Variants in CSMD1 observed in about 807,000 individuals in gnomAD.
CSMD1 encodes CUB and Sushi multiple domains 1, also known as CUB and sushi domain-containing protein 1.
A neutral mutation model predicts 417.5 loss-of-function variants in CSMD1; 213 were observed. The ratio of observed to expected loss-of-function variants is 0.51; its 90% CI spans 0.46 to 0.57. The LOEUF is 0.57. Ranked by LOEUF, CSMD1 falls within the 20% of genes least tolerant of loss-of-function variation. CSMD1 has a pLI of 0.00. For missense variants in CSMD1, 6,923 were observed against 4,529.7 expected, an observed-to-expected ratio of 1.53 and a Z score of -15.17; for synonymous variants, 2,862 against 1,736.8, an observed-to-expected ratio of 1.65 and a Z score of -16.11.
At chr8:4,768,562 G>A (rs1796438313) in intron 1 of CSMD1, among the ~76,000 whole-genome samples, 1 of 152,174 alleles carries the variant, frequency 6.6e-6, no homozygotes, top group African/African-American at 2.4e-5. Context: ...TGTAGAAAAT[G>A]CTTTGGATTG....
intron 6 of CSMD1, among the ~76,000 whole-genome samples, chr8:3,738,298 T>A (rs936002161): frequency 6.6e-6 from 1 of 152,234 alleles, no homozygotes; most frequent in Admixed American, 6.5e-5. Flanking sequence ...AAGTCTTAGA[T>A]ATTTGTATGT....
chr8:3,707,868 C>T (rs1180958000), intron 7 of CSMD1, among the ~76,000 whole-genome samples: 2 of 152,280 alleles, frequency 1.3e-5, no homozygotes. Context: ...GAGACACCTT[C>T]ATTCCTCCCA....
intron 1 of CSMD1, among the ~76,000 whole-genome samples, chr8:4,656,591 A>G (rs1051098772): frequency 6.6e-6 from 1 of 152,134 alleles, no homozygotes; most frequent in Non-Finnish European, 1.5e-5. Context: ...ATAGAAAATT[A>G]GTTGAATTTA....
intron 3 of CSMD1, among the ~76,000 whole-genome samples, chr8:4,241,945 G>C (rs999617760): frequency 2.0e-5 from 3 of 152,152 alleles, no homozygotes; most frequent in East Asian, 1.9e-4. Context: ...CAATTGACCA[G>C]ATTCAGTATA....
At chr8:4,272,338 G>A (rs574134624) in intron 3 of CSMD1, among the ~76,000 whole-genome samples, 12 of 152,174 alleles carry the variant, frequency 7.9e-5, no homozygotes, top group East Asian at 1.9e-4. Flanking sequence ...TTGAACAAAA[G>A]CATGTTATTC....
At chr8:4,852,985 A>T (rs1348490427) in intron 1 of CSMD1, among the ~76,000 whole-genome samples, 5 of 152,186 alleles carry the variant, frequency 3.3e-5, no homozygotes, top group Admixed American at 3.3e-4. Flanking sequence ...GGCTGCTTAT[A>T]ACAGTCTACA....
intron 27 of CSMD1, among the ~76,000 whole-genome samples, chr8:3,226,263 A>G (rs1025335240): frequency 6.6e-6 from 1 of 152,078 alleles, no homozygotes; most frequent in Non-Finnish European, 1.5e-5. Flanking sequence ...GATAATGAAG[A>G]CTTTTTAGGG....
At chr8:3,640,489 C>G (rs115777739) in intron 7 of CSMD1, among the ~76,000 whole-genome samples, 1 of 152,136 alleles carries the variant, frequency 6.6e-6, no homozygotes, top group African/African-American at 2.4e-5. Context: ...TTTGTCTAAT[C>G]AGTTAATGGA....
At chr8:2,972,010 C>G (rs1194386557) in intron 57 of CSMD1, among the ~76,000 whole-genome samples, 1 of 151,754 alleles carries the variant, frequency 6.6e-6, no homozygotes, top group Non-Finnish European at 1.5e-5. Flanking sequence ...CAAAAATAGT[C>G]TTTGAGAAAA....
chr8:3,279,064 C>G (rs1264877178), intron 26 of CSMD1: 1 of 152,232 alleles, frequency 6.6e-6, no homozygotes, highest in Admixed American at 6.5e-5. Context: ...GCCCGATTCT[C>G]ACTGGTTCCC....
intron 1 of CSMD1, among the ~76,000 whole-genome samples, chr8:4,695,169 A>T (rs1807033765): frequency 6.6e-6 from 1 of 151,832 alleles, no homozygotes. Context: ...GAATACACAT[A>T]CTCTTTATTT....
At chr8:4,331,138 C>T (rs547373698) in intron 3 of CSMD1, among the ~76,000 whole-genome samples, 2 of 152,188 alleles carry the variant, frequency 1.3e-5, no homozygotes, top group South Asian at 2.1e-4. Context: ...ACTAAACTAC[C>T]GAACTATCCT....
At chr8:3,323,153 A>T (rs138609590) in intron 23 of CSMD1, among the ~76,000 whole-genome samples, 107 of 152,320 alleles carry the variant, frequency 7.0e-4, no homozygotes, top group Non-Finnish European at 1.5e-3. Flanking sequence ...AGTAGGTTGT[A>T]TGATGTCCAA....
At chr8:4,146,039 A>C (rs1714813) in intron 3 of CSMD1, among the ~76,000 whole-genome samples, 30,434 of 150,598 alleles carry the variant, frequency 0.2, 3,645 homozygotes, top group East Asian at 0.3. Context: ...TGGGGAGTGA[A>C]CACTTAGCAA....
chr8:4,169,529 A>C (rs1388409940), intron 3 of CSMD1, among the ~76,000 whole-genome samples: 1 of 152,116 alleles, frequency 6.6e-6, no homozygotes, highest in Non-Finnish European at 1.5e-5. Flanking sequence ...CTCCAGATGA[A>C]ATGGCAGCCT....
chr8:3,788,225 G>T (rs2623669), intron 5 of CSMD1, among the ~76,000 whole-genome samples: 33,924 of 152,098 alleles, frequency 0.22, 5,775 homozygotes, highest in African/African-American at 0.45. Flanking sequence ...GGATTTAACA[G>T]GCATAGACCT....
chr8:3,644,437 C>G (rs1797472877), intron 7 of CSMD1, among the ~76,000 whole-genome samples: 1 of 152,140 alleles, frequency 6.6e-6, no homozygotes, highest in Admixed American at 6.5e-5. Context: ...TTAAAATAGG[C>G]ACGGTAGAAA....
rs1819184914 is a variant in CSMD1 at position 3,151,397 on chromosome 8, C to G, written c.6031G>C (p.Gly2011Arg). The G allele has an allele frequency of 6.9e-6, 11 of 1,595,924 alleles. No individual in the cohort carries two copies. The highest frequency in any genetic ancestry group is 8.6e-6 in the Non-Finnish European group (10 of 1,164,608). Reference sequence around the variant, plus strand: ...AGGAATTGGTAACATTTTCACTTACCATAGCCGATGGGTAATGAGATCCTC... The same window carrying G: ...AGGAATTGGTAACATTTTCACTTACGATAGCCGATGGGTAATGAGATCCTC... ...TWRISLPIGY[G>R]AHIQFLNFST... The change falls in exon 40 of 70, where the codon GGT (glycine) becomes CGT (arginine). Residue 2011 changes from glycine (G) to arginine (R), a missense_variant and splice_region_variant. Physicochemically the swap from Gly to Arg is moderately radical, Grantham distance 125. Transcript: ENST00000635120.
intron 2 of CSMD1, among the ~76,000 whole-genome samples, chr8:4,513,439 C>A (rs568830419): frequency 1.3e-5 from 2 of 152,194 alleles, no homozygotes; most frequent in East Asian, 3.9e-4. Flanking sequence ...ATGTTCAAAG[C>A]ATGTTAAAAG....
Sources: allele counts gnomAD v4.1 joint callset (sites outside exome capture counted in the v4.1 genomes callset), GRCh38; gene constraint gnomAD v4.1.1; transcripts MANE v1.5; gene names NCBI Gene and HGNC (gene_info 2026-07-23, HGNC 2026-07-21).